The following PPP2R5D variants were observed in gnomAD, a reference collection of about 807,000 sequenced individuals.
PPP2R5D encodes the protein serine/threonine-protein phosphatase 2A 56 kDa regulatory subunit delta isoform.
PPP2R5D carries 12 observed loss-of-function variants against 79.1 expected under a neutral mutation model. The observed-to-expected ratio is 0.15, with a 90% CI of 0.10 to 0.25. The LOEUF (loss-of-function observed/expected upper bound fraction) is 0.25. PPP2R5D is among the 10% of genes least tolerant of loss of function. PPP2R5D has a pLI of 1.00. For missense variants in PPP2R5D, 419 were observed against 760.2 expected, an observed-to-expected ratio of 0.55 and a Z score of 5.28; for synonymous variants, 277 against 286.6, an observed-to-expected ratio of 0.97 and a Z score of 0.34.
chr6:43,006,432 G>A lies in PPP2R5D; in HGVS notation c.106-31G>A. 1.2e-6 allele frequency: 2 copies of A among 1,608,420 alleles called. No homozygotes were observed. The highest frequency in any genetic ancestry group is 1.7e-6 in the Non-Finnish European group (2 of 1,177,532). On this transcript the variant is annotated intron_variant, in intron 2 of 15. Coordinates refer to ENST00000485511, the MANE Select transcript of PPP2R5D (RefSeq NM_006245.4). The surrounding 1 kb of genome is among the most constrained non-coding windows in gnomAD (Gnocchi z 4.7). The stretch of plus-strand genomic sequence containing the variant: ...CAGGGTGGGAGGCATATCTTGGGAA[G>A]TGGATTTCAACAGGTGACTTGTTTG...
In PPP2R5D at chr6:43,009,568, C is replaced by T; in HGVS notation, c.1379+119C>T. 7.1e-7 allele frequency: 1 copy of T among 1,399,620 alleles called. No individual in the cohort carries two copies. Among genetic ancestry groups the T allele is most frequent in the African/African-American group, 1.4e-5 (1 of 69,916 alleles). 86.7% of individuals were successfully genotyped at this position (1,399,620 alleles called of 1,614,324 possible). A position where few individuals can be genotyped will look rare whatever the true frequency, so the allele number is the denominator to read the frequency against. On this transcript the variant is annotated intron_variant, in intron 12 of 15. Coordinates refer to ENST00000485511, the MANE Select transcript of PPP2R5D (RefSeq NM_006245.4). This position sits in a 1 kb window ranked among gnomAD's most constrained non-coding sequence, Gnocchi z 5.6. Reference sequence around the variant, plus strand: ...ACCCAGCAAGTGGGGCTGATGTCCCCTGCATGTTGATAGGACCTTGAGGGG... The same window carrying T: ...ACCCAGCAAGTGGGGCTGATGTCCCTTGCATGTTGATAGGACCTTGAGGGG...
At chr6:43,004,816 C>T (rs1189664639) in intron 2 of PPP2R5D, among the ~76,000 whole-genome samples, 6 of 149,532 alleles carry the variant, frequency 4.0e-5, no homozygotes, top group African/African-American at 1.5e-4. Flanking sequence ...AGTGCAATGG[C>T]GCAATCTTGG....
At position 43,008,048 on chromosome 6, in the gene PPP2R5D, C is replaced by G; in HGVS notation, c.840C>G (p.Ile280Met). 6.2e-7 allele frequency: 1 copy of G among 1,614,224 alleles called. No individual in the cohort carries two copies. Among genetic ancestry groups the G allele is most frequent in the Non-Finnish European group, 8.5e-7 (1 of 1,180,044 alleles). The change falls in exon 7 of 16, where the codon ATC (isoleucine) becomes ATG (methionine). Residue 280 changes from isoleucine (I) to methionine (M), a missense_variant. Transcript: ENST00000485511. This position sits in a 1 kb window ranked among gnomAD's most constrained non-coding sequence, Gnocchi z 4.2. Reference sequence around the variant, plus strand: ...TCCGGGCTTATATCCGTAGGCAGATCAACCACATCTTCTACAGGTGAGGCC... The same window carrying G: ...TCCGGGCTTATATCCGTAGGCAGATGAACCACATCTTCTACAGGTGAGGCC... ...LGLRAYIRRQINHIFYRFIYE... is the reference protein window; with the variant it reads ...LGLRAYIRRQMNHIFYRFIYE...
intron 2 of PPP2R5D, among the ~76,000 whole-genome samples, chr6:42,999,182 C>T (rs879842714): frequency 1.3e-5 from 2 of 152,188 alleles, no homozygotes; most frequent in Non-Finnish European, 2.9e-5. Context: ...TTGCCTTCTA[C>T]CCCCAACCCA....
rs535693877 is a variant in PPP2R5D, at chr6:42,984,813, C to G, written c.27+109C>G. 60 of 1,508,024 alleles carry G rather than the reference C, an allele frequency of 4.0e-5. No individual in the cohort carries two copies. The South Asian group carries it at 4.7e-4, about 12-fold the overall frequency. The allele number at this position is 1,508,024 out of a possible 1,614,324, so 93.4% of individuals were successfully genotyped here. On this transcript the variant is annotated intron_variant, in intron 1 of 15. Coordinates refer to ENST00000485511, the MANE Select transcript of PPP2R5D (RefSeq NM_006245.4). ...CCCAGACTGACCCTCCCGTCCAGCCCCCGCAGGACTCCTGGGGCCAGCCCT... is the reference window on the plus strand; with the variant it reads ...CCCAGACTGACCCTCCCGTCCAGCCGCCGCAGGACTCCTGGGGCCAGCCCT...
At chr6:43,004,713 G>A (rs1283940979) in intron 2 of PPP2R5D, among the ~76,000 whole-genome samples, 2 of 148,912 alleles carry the variant, frequency 1.3e-5, no homozygotes, top group Non-Finnish European at 3.0e-5. Flanking sequence ...CTATGAACGT[G>A]AAAATATTTT....
rs1208128903 is a variant in PPP2R5D, at chr6:43,006,248, G to C, written c.106-215G>C. On this transcript the variant is annotated intron_variant, in intron 2 of 15. Coordinates refer to ENST00000485511, the MANE Select transcript of PPP2R5D (RefSeq NM_006245.4). The surrounding 1 kb of genome is among the most constrained non-coding windows in gnomAD (Gnocchi z 4.7). ...TTTAAAGGCTCTTGATGCACAAGCA[G>C]TGGGCATCTCTTTGGGTGATGTGAC... is the stretch of plus-strand genomic sequence containing the variant. Among the ~76,000 whole-genome samples the C allele has an allele frequency of 3.9e-5, 6 of 152,232 alleles. No homozygotes were observed. Among genetic ancestry groups the C allele is most frequent in the Admixed American group, 2.6e-4 (4 of 15,282 alleles).
intron 2 of PPP2R5D, among the ~76,000 whole-genome samples, chr6:42,999,289 T>C (rs1218135406): frequency 6.6e-6 from 1 of 152,172 alleles, no homozygotes; most frequent in Non-Finnish European, 1.5e-5. Flanking sequence ...ACATGCATGT[T>C]TCCTAGTGAA....
rs1455481133 is a variant in PPP2R5D at position 42,985,918 on chromosome 6, C to T, written c.27+1214C>T. Among the ~76,000 whole-genome samples, 4 of 152,024 alleles carry T rather than the reference C, an allele frequency of 2.6e-5. No homozygotes were observed. In the East Asian group the frequency reaches 7.7e-4, roughly 29 times the overall value. ...TCAGCCTCCCAAGTAGCTGGAATTA[C>T]AGGCATGCGCCACCACATCCGGCTA... On this transcript the variant is annotated intron_variant, in intron 1 of 15. Coordinates refer to ENST00000485511, the MANE Select transcript of PPP2R5D (RefSeq NM_006245.4).
intron 2 of PPP2R5D, among the ~76,000 whole-genome samples, chr6:43,001,862 G>C (rs1772236049): frequency 6.6e-6 from 1 of 150,852 alleles, no homozygotes; most frequent in South Asian, 2.1e-4. Context: ...ACTCCAGCCG[G>C]GTGACAGAGC....
intron 2 of PPP2R5D, among the ~76,000 whole-genome samples, chr6:42,991,642 G>A (rs1771273040): frequency 6.6e-6 from 1 of 152,180 alleles, no homozygotes; most frequent in Admixed American, 6.5e-5. Context: ...GAAGCACCCA[G>A]CATTTGAATG....
intron 2 of PPP2R5D, among the ~76,000 whole-genome samples, chr6:43,000,090 C>T (rs920018053): frequency 8.6e-5 from 13 of 151,956 alleles, no homozygotes; most frequent in African/African-American, 3.1e-4. Flanking sequence ...CGCCCGCCAC[C>T]ACGCCCAGCT....
At chr6:43,000,489 C>T (rs1031057564) in intron 2 of PPP2R5D, among the ~76,000 whole-genome samples, 25 of 152,022 alleles carry the variant, frequency 1.6e-4, no homozygotes, top group Non-Finnish European at 3.1e-4. Context: ...GTGATCCACC[C>T]GCCTTGGCCT....
At chr6:42,989,468 C>T (rs574766080) in intron 1 of PPP2R5D, 143 bp from the exon 2 acceptor site, 96 of 685,426 alleles carry the variant, frequency 1.4e-4, no homozygotes, top group Non-Finnish European at 2.2e-4. Flanking sequence ...ATCCCTCCAC[C>T]CACCCCAGCT....
rs1182622867 is a variant in PPP2R5D, at chr6:43,010,825, C to T, written c.1555-56C>T. The T allele has an allele frequency of 6.3e-7, 1 of 1,595,306 alleles. No homozygotes were observed. The highest frequency in any genetic ancestry group is 8.6e-7 in the Non-Finnish European group (1 of 1,164,280). On this transcript the variant is annotated intron_variant, in intron 14 of 15. Coordinates refer to ENST00000485511, the MANE Select transcript of PPP2R5D (RefSeq NM_006245.4). This position sits in a 1 kb window ranked among gnomAD's most constrained non-coding sequence, Gnocchi z 4.7. ...TGTTGGGGGAGGAATATGGGGCACA[C>T]AGGCCCCCAAGCCTCTGAAGTGGCT...
Position 43,012,147 on chromosome 6 carries a change from C to A in PPP2R5D, c.*861C>A. Reference sequence around the variant, plus strand: ...TTGTGCTATGCTGGGCAGGCCTTCTCTTGTCCCTTATAGGTACCTTGGAGG... The same window carrying A: ...TTGTGCTATGCTGGGCAGGCCTTCTATTGTCCCTTATAGGTACCTTGGAGG... On this transcript the variant is annotated 3_prime_UTR_variant, in exon 16 of 16. Coordinates refer to ENST00000485511, the MANE Select transcript of PPP2R5D (RefSeq NM_006245.4). 1 of 1,018,636 alleles carries A rather than the reference C, an allele frequency of 9.8e-7. No individual in the cohort carries two copies. Among genetic ancestry groups the A allele is most frequent in the Non-Finnish European group, 1.2e-6 (1 of 840,532 alleles). 63.1% of individuals were successfully genotyped at this position (1,018,636 alleles called of 1,614,324 possible).
Position 43,009,512 on chromosome 6 carries a change from A to G in PPP2R5D, c.1379+63A>G. ...GTTTGGGAAACTTTGAGGGTATGGA[A>G]GAACTAAAGAGCCAGGGGTCTCACC... On this transcript the variant is annotated intron_variant, in intron 12 of 15. Coordinates refer to ENST00000485511, the MANE Select transcript of PPP2R5D (RefSeq NM_006245.4). The surrounding 1 kb of genome is among the most constrained non-coding windows in gnomAD (Gnocchi z 5.6). The G allele has an allele frequency of 6.2e-7, 1 of 1,603,760 alleles. No individual in the cohort carries two copies. Among genetic ancestry groups the G allele is most frequent in the Non-Finnish European group, 8.5e-7 (1 of 1,173,374 alleles).
intron 2 of PPP2R5D, among the ~76,000 whole-genome samples, chr6:42,998,704 C>T (rs1191217049): frequency 1.3e-5 from 2 of 151,990 alleles, no homozygotes; most frequent in Admixed American, 6.6e-5. Context: ...TTGAGACCAG[C>T]CTGGGCAACA....
Position 43,007,622 on chromosome 6 carries a change from A to C in PPP2R5D, c.726+116A>C. ...ATATTGGGTTTCATCCATGTCTGGT[A>C]CGAGGAGGCTATAAAGGGTAAAAAA... On this transcript the variant is annotated intron_variant, in intron 6 of 15. Coordinates refer to ENST00000485511, the MANE Select transcript of PPP2R5D (RefSeq NM_006245.4). The surrounding 1 kb of genome is among the most constrained non-coding windows in gnomAD (Gnocchi z 4.5). 1.9e-6 allele frequency: 2 copies of C among 1,068,562 alleles called. No individual in the cohort carries two copies. The highest frequency in any genetic ancestry group is 2.8e-6 in the Non-Finnish European group (2 of 709,064). The allele number at this position is 1,068,562 out of a possible 1,614,324, so 66.2% of individuals were successfully genotyped here. A position where few individuals can be genotyped will look rare whatever the true frequency, so the allele number is the denominator to read the frequency against.
Sources: gnomAD v4.1 joint callset for allele counts (sites outside exome capture counted in the v4.1 genomes callset) on GRCh38, gnomAD v4.1.1 for gene constraint, Gnocchi (gnomAD v3.1) non-coding constraint, MANE v1.5 for transcripts, NCBI Gene and HGNC (gene_info 2026-07-23, HGNC 2026-07-21) for gene names.